The following RPS6KC1 variants were observed in gnomAD, a reference collection of about 807,000 sequenced individuals.
RPS6KC1 encodes ribosomal protein S6 kinase C1, also known as inactive ribosomal protein S6 kinase delta-1.
In RPS6KC1, 54 loss-of-function variants were observed where a neutral mutation model predicts 103.8. That is an observed-to-expected ratio of 0.52 (90% CI 0.42 to 0.65). The LOEUF is 0.65. Ranked by LOEUF, RPS6KC1 falls within the 30% of genes least tolerant of loss-of-function variation. The pLI is 0.00. For missense variants in RPS6KC1, 1,151 were observed against 1,253.8 expected (o/e 0.92, Z 1.24); for synonymous variants, 439 against 438.7 (o/e 1.00, Z -0.01).
the RPS6KC1 span, among the ~76,000 whole-genome samples, chr1:213,829,720 T>C: frequency 2.0e-5 from 3 of 152,288 alleles, no homozygotes; most frequent in South Asian, 6.2e-4. Flanking sequence ...AAGCTTTCCC[T>C]GGGACAATTC....
the RPS6KC1 span, among the ~76,000 whole-genome samples, chr1:213,525,980 G>T: frequency 6.6e-6 from 1 of 152,126 alleles, no homozygotes; most frequent in African/African-American, 2.4e-5. Context: ...GGGCTATTCT[G>T]AAGGGAGATG....
intron 2 of RPS6KC1, among the ~76,000 whole-genome samples, chr1:213,071,428 C>T (rs2078871516): frequency 6.6e-6 from 1 of 152,146 alleles, no homozygotes; most frequent in Non-Finnish European, 1.5e-5. Flanking sequence ...TGTGCCTGGC[C>T]TGTACATCAG....
chr1:213,723,993 A>G, the RPS6KC1 span, among the ~76,000 whole-genome samples: 1 of 152,214 alleles, frequency 6.6e-6, no homozygotes, highest in African/African-American at 2.4e-5. Flanking sequence ...GGCAGGAATG[A>G]GTGAAATTGC....
chr1:213,218,668 C>T lies in RPS6KC1; in HGVS notation c.1045-11829C>T, dbSNP rs1323275251. Among the ~76,000 whole-genome samples the T allele has an allele frequency of 4.6e-5, 7 of 152,166 alleles. No homozygotes were observed. In the East Asian group the frequency reaches 1.3e-3, roughly 29 times the overall value. On this transcript the variant is annotated intron_variant, in intron 8 of 14. Transcript: ENST00000366960. ...AAACAGCATGGTACTGGTACCAAAA[C>T]AGAGATATAGACCAATGGAACAGAA...
chr1:213,054,851 A>G (rs564110177), intron 1 of RPS6KC1, among the ~76,000 whole-genome samples: 4 of 152,338 alleles, frequency 2.6e-5, no homozygotes, highest in African/African-American at 9.6e-5. Flanking sequence ...AAATTCTTTC[A>G]TAAGTTCCCT....
the RPS6KC1 span, among the ~76,000 whole-genome samples, chr1:213,670,962 A>T: frequency 6.6e-6 from 1 of 152,154 alleles, no homozygotes; most frequent in Non-Finnish European, 1.5e-5. Context: ...GAGGGGTTCC[A>T]TCCTGAGCTT....
intron 6 of RPS6KC1, among the ~76,000 whole-genome samples, chr1:213,159,256 T>G (rs2090221486): frequency 2.6e-5 from 4 of 152,228 alleles, no homozygotes. Context: ...CATATGCTTC[T>G]TGAATTGTTG....
chr1:213,566,463 T>TGGA, the RPS6KC1 span, among the ~76,000 whole-genome samples: 2 of 38,300 alleles, frequency 5.2e-5, no homozygotes, highest in Non-Finnish European at 1.1e-4. Flanking sequence ...TTTTTTTTTT[T>TGGA]TTTTTTTTTT....
In RPS6KC1 at chr1:213,140,394, A is replaced by C. The variant is rs73086369; in HGVS notation, c.835+10505A>C. ...CTGTGTTGAATAGGAGGGGTGAGAG[A>C]TGGCATCTTTGTCTTGTTCTGGTTC... On this transcript the variant is annotated intron_variant, in intron 6 of 14. Transcript: ENST00000366960. Among the ~76,000 whole-genome samples, 1,386 of 152,074 alleles carry C rather than the reference A, an allele frequency of 9.1e-3. 27 individuals carry two copies. Among genetic ancestry groups the C allele is most frequent in the African/African-American group, 0.032 (1,319 of 41,526 alleles).
At chr1:213,806,092 G>A in the RPS6KC1 span, among the ~76,000 whole-genome samples, 1 of 152,200 alleles carries the variant, frequency 6.6e-6, no homozygotes, top group Non-Finnish European at 1.5e-5. Flanking sequence ...CAGCACTTTG[G>A]CAGGCTGAGG....
the RPS6KC1 span, among the ~76,000 whole-genome samples, chr1:213,494,312 C>A: frequency 1.3e-5 from 2 of 151,942 alleles, no homozygotes; most frequent in Non-Finnish European, 2.9e-5. Context: ...ATGCATACTG[C>A]TAAGAATTAT....
intron 8 of RPS6KC1, among the ~76,000 whole-genome samples, chr1:213,207,523 TA>T (rs1360719315): frequency 6.6e-6 from 1 of 152,176 alleles, no homozygotes; most frequent in East Asian, 1.9e-4. Context: ...ACCTGTAAGC[TA>T]TCTTCCCCCA....
At chr1:213,763,971 C>G in the RPS6KC1 span, among the ~76,000 whole-genome samples, 1 of 152,206 alleles carries the variant, frequency 6.6e-6, no homozygotes, top group Non-Finnish European at 1.5e-5. Context: ...TGTTCCTTCT[C>G]TGTATATTTT....
chr1:213,077,946 C>G, intron 3 of RPS6KC1, 130 bp downstream of exon 3: 1 of 440,260 alleles, frequency 2.3e-6, no homozygotes, highest in Middle Eastern at 6.2e-4. Context: ...TGTTCAACAG[C>G]ACTTGAAATT....
the RPS6KC1 span, among the ~76,000 whole-genome samples, chr1:213,851,580 A>G: frequency 6.6e-6 from 1 of 152,174 alleles, no homozygotes; most frequent in South Asian, 2.1e-4. Flanking sequence ...CACTTCCTGA[A>G]CTTCCACTCG....
intron 6 of RPS6KC1, among the ~76,000 whole-genome samples, chr1:213,131,729 C>T (rs2085652475): frequency 6.6e-6 from 1 of 152,202 alleles, no homozygotes; most frequent in African/African-American, 2.4e-5. Flanking sequence ...CAGGCGTGAG[C>T]CACTGCACCA....
At chr1:213,114,739 C>G (rs556605623) in intron 4 of RPS6KC1, among the ~76,000 whole-genome samples, 35 of 151,676 alleles carry the variant, frequency 2.3e-4, no homozygotes, top group African/African-American at 8.2e-4. Context: ...CCATCAATAC[C>G]TAATTGAGAG....
intron 14 of RPS6KC1, among the ~76,000 whole-genome samples, chr1:213,263,608 T>TA (rs200009547): frequency 1.3e-5 from 2 of 148,964 alleles, no homozygotes; most frequent in Non-Finnish European, 3.0e-5. Flanking sequence ...AACATGGATT[T>TA]AAAAAAAAAA....
chr1:213,620,347 A>T, the RPS6KC1 span, among the ~76,000 whole-genome samples: 1 of 152,168 alleles, frequency 6.6e-6, no homozygotes, highest in Non-Finnish European at 1.5e-5. Flanking sequence ...ATATCTTGGT[A>T]CCTTGGTGGA....
Sources: allele counts gnomAD v4.1 joint callset (sites outside exome capture counted in the v4.1 genomes callset), GRCh38; gene constraint gnomAD v4.1.1; transcripts MANE v1.5; gene names NCBI Gene and HGNC (gene_info 2026-07-23, HGNC 2026-07-21).